Variants in PRKCB observed in about 807,000 individuals in gnomAD.
PRKCB encodes protein kinase C beta type.
PRKCB carries 13 observed loss-of-function variants against 81.5 expected under a neutral mutation model. That is an observed-to-expected ratio of 0.16 (90% confidence interval 0.10 to 0.25). The LOEUF (loss-of-function observed/expected upper bound fraction) is 0.25. Ranked by LOEUF, PRKCB falls within the 10% of genes least tolerant of loss-of-function variation. The probability of loss-of-function intolerance (pLI) is 1.00; values close to 1 mark genes in which losing one functional copy is unlikely to be tolerated. For missense variants in PRKCB, 509 were observed against 875.7 expected (o/e 0.58, Z 5.29); for synonymous variants, 335 against 321.4 (o/e 1.04, Z -0.45).
intron 2 of PRKCB, among the ~76,000 whole-genome samples, chr16:23,980,414 G>C (rs960513390): frequency 6.6e-6 from 1 of 152,240 alleles, no homozygotes; most frequent in Non-Finnish European, 1.5e-5. Flanking sequence ...CTGCATGCCA[G>C]TGGCTCCAAC....
chr16:24,124,593 C>G (rs1966839420), intron 9 of PRKCB, among the ~76,000 whole-genome samples: 1 of 152,144 alleles, frequency 6.6e-6, no homozygotes, highest in African/African-American at 2.4e-5. Context: ...GGGACTCATA[C>G]AGTGTTTCTG....
chr16:24,018,075 T>G (rs964211770), intron 3 of PRKCB, among the ~76,000 whole-genome samples: 5 of 151,514 alleles, frequency 3.3e-5, no homozygotes, highest in Admixed American at 3.3e-4. Flanking sequence ...ATTTTTTGTA[T>G]TTTTTAGTAG....
chr16:24,220,067 T>G lies in PRKCB; in HGVS notation c.*5251T>G, dbSNP rs1968299040. On this transcript the variant is annotated 3_prime_UTR_variant, in exon 17 of 17. Transcript: ENST00000643927. ...ATCATGAACTTGGACCAAAATGAAT[T>G]TGCTGGCTTCTCTTATACTAACCCA... 1 of 1,614,154 alleles carries G rather than the reference T, an allele frequency of 6.2e-7. No individual in the cohort carries two copies. Among genetic ancestry groups the G allele is most frequent in the Non-Finnish European group, 8.5e-7 (1 of 1,180,014 alleles).
At chr16:23,896,871 T>TCCATCCATCCAA (rs1334461761) in intron 2 of PRKCB, among the ~76,000 whole-genome samples, 10 of 145,842 alleles carry the variant, frequency 6.9e-5, no homozygotes, top group Non-Finnish European at 1.3e-4. Flanking sequence ...AGGCTCTTCA[T>TCCATCCATCCAA]CCATCCATCC....
At chr16:24,206,400 G>A (rs1037622609) in intron 16 of PRKCB, among the ~76,000 whole-genome samples, 2 of 152,116 alleles carry the variant, frequency 1.3e-5, no homozygotes, top group Admixed American at 6.5e-5. Flanking sequence ...TCTTTTCATC[G>A]TGACCTTCTG....
chr16:24,176,034 C>T (rs991964473), intron 12 of PRKCB, among the ~76,000 whole-genome samples: 15 of 148,022 alleles, frequency 1.0e-4, no homozygotes, highest in Admixed American at 2.0e-4. Flanking sequence ...AGGCAGATAG[C>T]GGAGGCCAGG....
intron 2 of PRKCB, among the ~76,000 whole-genome samples, chr16:23,860,257 A>T (rs1962643065): frequency 6.6e-6 from 1 of 152,174 alleles, no homozygotes; most frequent in African/African-American, 2.4e-5. Context: ...AGTACTATAA[A>T]TGTTGTCACC....
chr16:24,014,532 T>A (rs996079952), intron 3 of PRKCB, among the ~76,000 whole-genome samples: 1 of 152,196 alleles, frequency 6.6e-6, no homozygotes, highest in Admixed American at 6.5e-5. Flanking sequence ...ACCATGGCAG[T>A]GACTTGCCCA....
At chr16:23,878,993 T>C (rs1317470434) in intron 2 of PRKCB, among the ~76,000 whole-genome samples, 1 of 152,074 alleles carries the variant, frequency 6.6e-6, no homozygotes, top group Non-Finnish European at 1.5e-5. Context: ...CTGGCCAACA[T>C]GGTGAAACCC....
chr16:23,840,095 T>A (rs923279184), intron 2 of PRKCB, among the ~76,000 whole-genome samples: 7 of 152,128 alleles, frequency 4.6e-5, no homozygotes, highest in Non-Finnish European at 7.4e-5. Context: ...ATGTTTAGAA[T>A]GGGAACATAT....
At chr16:23,916,215 G>A (rs1255131824) in intron 2 of PRKCB, among the ~76,000 whole-genome samples, 4 of 140,982 alleles carry the variant, frequency 2.8e-5, no homozygotes, top group Non-Finnish European at 4.5e-5. Context: ...CACCACATGT[G>A]GCTAATTTTT....
Position 23,950,142 on chromosome 16 carries a change from T to G in PRKCB, c.206-38366T>G, listed in dbSNP as rs1482033637. On this transcript the variant is annotated intron_variant, in intron 2 of 16. Coordinates refer to ENST00000643927, the MANE Select transcript of PRKCB (RefSeq NM_002738.7). ...GCCCCTATGATTTGAATTTTTTTTTTTTTTTTTTTTTTTTTTCTGTTGATC... is the reference window on the plus strand; with the variant it reads ...GCCCCTATGATTTGAATTTTTTTTTGTTTTTTTTTTTTTTTTCTGTTGATC... 1.9e-4 allele frequency among the ~76,000 whole-genome samples: 27 copies of G among 144,336 alleles called. 1 individual carries two copies. Among genetic ancestry groups the G allele is most frequent in the East Asian group, 4.1e-4 (2 of 4,934 alleles). 94.7% of individuals were successfully genotyped at this position (144,336 alleles called of 152,430 possible).
chr16:24,042,103 G>A (rs1221706265), intron 5 of PRKCB, among the ~76,000 whole-genome samples: 2 of 151,998 alleles, frequency 1.3e-5, no homozygotes, highest in African/African-American at 4.8e-5. Flanking sequence ...GGGGGGGTAC[G>A]TGTGCAGGTT....
intron 10 of PRKCB, among the ~76,000 whole-genome samples, chr16:24,169,858 C>A (rs1004687580): frequency 7.2e-5 from 11 of 152,098 alleles, no homozygotes; most frequent in African/African-American, 2.7e-4. Flanking sequence ...CTCACTGCAA[C>A]CTCCACCTCC....
intron 2 of PRKCB, among the ~76,000 whole-genome samples, chr16:23,958,095 G>C (rs1215737593): frequency 6.6e-6 from 1 of 152,150 alleles, no homozygotes; most frequent in East Asian, 1.9e-4. Context: ...AAGTTCAAGG[G>C]ATTCTCCTGC....
In PRKCB at chr16:24,220,351, A is replaced by G; in HGVS notation, c.*5535A>G. On this transcript the variant is annotated 3_prime_UTR_variant, in exon 17 of 17. Transcript: ENST00000643927. ...GAGGTACAATTTTCCAAACTTCCAG[A>G]AACTCATCAAATGAACAGACAATGT... 5.1e-6 allele frequency: 2 copies of G among 392,268 alleles called. No homozygotes were observed. The highest frequency in any genetic ancestry group is 8.5e-5 in the Admixed American group (2 of 23,536). The allele number at this position is 392,268 out of a possible 1,614,324, so 24.3% of individuals were successfully genotyped here.
At chr16:24,126,818 G>A (rs1191407897) in intron 9 of PRKCB, among the ~76,000 whole-genome samples, 5 of 151,664 alleles carry the variant, frequency 3.3e-5, no homozygotes, top group Non-Finnish European at 7.4e-5. Context: ...TTACAGACAT[G>A]AGCCACCGCA....
At chr16:24,079,717 A>G (rs1300096814) in intron 5 of PRKCB, among the ~76,000 whole-genome samples, 3 of 152,186 alleles carry the variant, frequency 2.0e-5, no homozygotes, top group African/African-American at 7.2e-5. Context: ...TAAGCCTCTT[A>G]TACAATACTT....
At chr16:24,115,065 A>G (rs1966720866) in intron 8 of PRKCB, among the ~76,000 whole-genome samples, 2 of 152,298 alleles carry the variant, frequency 1.3e-5, no homozygotes, top group South Asian at 4.1e-4. Flanking sequence ...TGGGGGTTAT[A>G]TAGCAGCAAT....
Sources: gnomAD v4.1 joint callset for allele counts (sites outside exome capture counted in the v4.1 genomes callset) on GRCh38, gnomAD v4.1.1 for gene constraint, MANE v1.5 for transcripts, NCBI Gene and HGNC (gene_info 2026-07-23, HGNC 2026-07-21) for gene names.